The following FGD4 variants were observed in gnomAD, a reference collection of about 807,000 sequenced individuals.
FGD4 encodes the protein FYVE, RhoGEF and PH domain containing 4, also known as FYVE, RhoGEF and PH domain-containing protein 4.
In FGD4, 42 loss-of-function variants were observed where a neutral mutation model predicts 102.0. The ratio of observed to expected loss-of-function variants is 0.41; its 90% CI spans 0.32 to 0.53. The LOEUF (loss-of-function observed/expected upper bound fraction) is 0.53, where lower values mean the gene tolerates loss of function less well. Ranked by LOEUF, FGD4 falls within the 20% of genes least tolerant of loss-of-function variation. The probability of loss-of-function intolerance (pLI) is 0.21; values close to 1 mark genes in which losing one functional copy is unlikely to be tolerated. For missense variants in FGD4, 902 were observed against 1,078.2 expected, an observed-to-expected ratio of 0.84 and a Z score of 2.29; for synonymous variants, 380 against 375.7, an observed-to-expected ratio of 1.01 and a Z score of -0.13.
intron 1 of FGD4, among the ~76,000 whole-genome samples, chr12:32,517,965 A>AT (rs34678632): frequency 7.8e-6 from 1 of 128,136 alleles, no homozygotes; most frequent in Non-Finnish European, 1.6e-5. Flanking sequence ...TATCGTTAGT[A>AT]TTTTTTTGCA....
At position 32,582,207 on chromosome 12, in the gene FGD4, A is replaced by T. The variant is rs892356097; in HGVS notation, c.751A>T (p.Thr251Ser). 1 of 1,614,130 alleles carries T rather than the reference A, an allele frequency of 6.2e-7. No homozygotes were observed. The highest frequency in any genetic ancestry group is 1.3e-5 in the African/African-American group (1 of 74,940). Residue 251 changes from threonine to serine, a missense_variant, in exon 4 of 17, where the codon ACT (threonine) becomes TCT (serine). Physicochemically the swap from Thr to Ser is moderately conservative, Grantham distance 58. Transcript: ENST00000534526. Reference sequence around the variant, plus strand: ...GAAAGCTGCCACTCTTAGCTCAGATACTTCTATTCAAGCTTCTGAACCCTT... The same window carrying T: ...GAAAGCTGCCACTCTTAGCTCAGATTCTTCTATTCAAGCTTCTGAACCCTT... ...EEKAATLSSD[T>S]SIQASEPLLD...
At chr12:32,447,444 T>C (rs1163303714) in intron 1 of FGD4, among the ~76,000 whole-genome samples, 1 of 152,254 alleles carries the variant, frequency 6.6e-6, no homozygotes, top group African/African-American at 2.4e-5. Context: ...GCTACTAAAC[T>C]TATTCTTTTA....
At chr12:32,523,417 C>G (rs889499868) in intron 1 of FGD4, among the ~76,000 whole-genome samples, 11 of 152,172 alleles carry the variant, frequency 7.2e-5, no homozygotes, top group African/African-American at 2.4e-4. Context: ...TCCTTCCCAA[C>G]TGAAACTCTG....
intron 8 of FGD4, among the ~76,000 whole-genome samples, chr12:32,608,350 A>G (rs1592389304): frequency 6.6e-6 from 1 of 152,348 alleles, no homozygotes; most frequent in Non-Finnish European, 1.5e-5. Flanking sequence ...ATATAAAATT[A>G]TAGTCTTAAA....
chr12:32,529,198 T>G (rs1941555390), intron 1 of FGD4, among the ~76,000 whole-genome samples: 1 of 152,118 alleles, frequency 6.6e-6, no homozygotes, highest in African/African-American at 2.4e-5. Flanking sequence ...CACTGCAACC[T>G]CCGCCTCCCA....
chr12:32,531,433 A>C (rs75397230), intron 1 of FGD4, among the ~76,000 whole-genome samples: 1 of 152,182 alleles, frequency 6.6e-6, no homozygotes, highest in Non-Finnish European at 1.5e-5. Context: ...CTTTAGTTCC[A>C]AAATTCTGTC....
intron 1 of FGD4, among the ~76,000 whole-genome samples, chr12:32,442,236 G>T (rs1259988209): frequency 6.6e-6 from 1 of 151,828 alleles, no homozygotes; most frequent in Non-Finnish European, 1.5e-5. Flanking sequence ...TGTATTTTTA[G>T]TAGAGACGGG....
chr12:32,555,776 T>TAGCC (rs1264264192), intron 1 of FGD4, among the ~76,000 whole-genome samples: 1 of 151,938 alleles, frequency 6.6e-6, no homozygotes, highest in Non-Finnish European at 1.5e-5. Context: ...TTCACCGTGT[T>TAGCC]AGCCAGGATG....
chr12:32,605,216 G>T (rs759327130), intron 7 of FGD4, among the ~76,000 whole-genome samples: 2 of 152,098 alleles, frequency 1.3e-5, no homozygotes, highest in African/African-American at 2.4e-5. Context: ...TAAAATTACA[G>T]GCAGGAGCCA....
At chr12:32,408,836 A>T (rs367968163) in intron 1 of FGD4, among the ~76,000 whole-genome samples, 29 of 152,108 alleles carry the variant, frequency 1.9e-4, no homozygotes, top group African/African-American at 6.8e-4. Flanking sequence ...CTTGGTTCTG[A>T]TGACCTGAGA....
chr12:32,556,638 C>A (rs1408367181), intron 1 of FGD4, among the ~76,000 whole-genome samples: 1 of 151,986 alleles, frequency 6.6e-6, no homozygotes, highest in East Asian at 1.9e-4. Context: ...GGGTGGATCA[C>A]CTGAAGTCAG....
intron 7 of FGD4, among the ~76,000 whole-genome samples, chr12:32,602,818 A>G (rs915163269): frequency 3.9e-5 from 6 of 152,206 alleles, no homozygotes; most frequent in African/African-American, 1.4e-4. Context: ...ATTCTTTGAT[A>G]CAGTTGATAT....
intron 4 of FGD4, among the ~76,000 whole-genome samples, chr12:32,587,591 A>G (rs957381955): frequency 1.3e-5 from 2 of 151,700 alleles, no homozygotes; most frequent in Admixed American, 1.3e-4. Flanking sequence ...GGTTTTCACC[A>G]TGTTGCCCAG....
In FGD4 at chr12:32,400,294, C is replaced by G. The variant is rs140643962; in HGVS notation, c.166+335C>G. 5.7e-3 allele frequency among the ~76,000 whole-genome samples: 874 copies of G among 152,352 alleles called. 4 individuals are homozygous for G. Among genetic ancestry groups the G allele is most frequent in the African/African-American group, 0.02 (829 of 41,582 alleles). ...TTTCTAGCTACTGAAGCTTAAGCGG[C>G]TTCGCTAAATTCCTGCTTTGGGCAG... On this transcript the variant is annotated intron_variant, in intron 1 of 16. Coordinates refer to ENST00000534526, the MANE Select transcript of FGD4 (RefSeq NM_001370298.3).
intron 1 of FGD4, among the ~76,000 whole-genome samples, chr12:32,469,813 C>T (rs1456927098): frequency 2.0e-5 from 3 of 151,906 alleles, no homozygotes; most frequent in Admixed American, 1.3e-4. Flanking sequence ...GCATGCGGCA[C>T]CATGCCTGGC....
At chr12:32,503,895 G>A (rs1038738805) in intron 1 of FGD4, among the ~76,000 whole-genome samples, 1 of 152,132 alleles carries the variant, frequency 6.6e-6, no homozygotes, top group African/African-American at 2.4e-5. Flanking sequence ...CCAGAAAAAG[G>A]CTGTGAGTGA....
chr12:32,432,436 T>G (rs1942080947), intron 1 of FGD4, among the ~76,000 whole-genome samples: 1 of 151,450 alleles, frequency 6.6e-6, no homozygotes, highest in Non-Finnish European at 1.5e-5. Flanking sequence ...GCCAACATGG[T>G]GAAACCCCAT....
chr12:32,489,047 AC>A (rs1944005572), intron 1 of FGD4, among the ~76,000 whole-genome samples: 2 of 152,178 alleles, frequency 1.3e-5, no homozygotes, highest in African/African-American at 4.8e-5. Context: ...TAGTCTGAAA[AC>A]CACAGTAGTA....
intron 1 of FGD4, among the ~76,000 whole-genome samples, chr12:32,432,841 G>T (rs569972921): frequency 6.6e-6 from 1 of 152,180 alleles, no homozygotes; most frequent in East Asian, 1.9e-4. Flanking sequence ...TTAATTGAAT[G>T]AGTGAGTGAC....
Sources: gnomAD v4.1 joint callset for allele counts (sites outside exome capture counted in the v4.1 genomes callset) on GRCh38, gnomAD v4.1.1 for gene constraint, MANE v1.5 for transcripts, NCBI Gene and HGNC (gene_info 2026-07-23, HGNC 2026-07-21) for gene names.